The following ABLIM2 variants were observed in gnomAD, a reference collection of about 807,000 sequenced individuals.
ABLIM2 encodes actin binding LIM protein family member 2, also known as actin-binding LIM protein 2.
A neutral mutation model predicts 97.7 loss-of-function variants in ABLIM2; 53 were observed. The ratio of observed to expected loss-of-function variants is 0.54; its 90% confidence interval spans 0.44 to 0.68. ABLIM2 has a LOEUF of 0.68. Among genes scored for constraint, ABLIM2 ranks in the 30% least tolerant of loss-of-function variants. The pLI, the probability that ABLIM2 is intolerant of heterozygous loss-of-function variation, is 0.00. For missense variants in ABLIM2, 835 were observed against 867.2 expected, an observed-to-expected ratio of 0.96 and a Z score of 0.47; for synonymous variants, 361 against 345.8, an observed-to-expected ratio of 1.04 and a Z score of -0.49.
intron 1 of ABLIM2, among the ~76,000 whole-genome samples, chr4:8,158,365 T>C (rs1276189855): frequency 6.6e-6 from 1 of 151,988 alleles, no homozygotes; most frequent in Non-Finnish European, 1.5e-5. Context: ...CCTGACCGCT[T>C]TCTGCAGCCT....
intron 6 of ABLIM2, among the ~76,000 whole-genome samples, chr4:8,077,266 C>T (rs1816820489): frequency 6.6e-6 from 1 of 152,350 alleles, no homozygotes; most frequent in African/African-American, 2.4e-5. Context: ...CGGGCGACCC[C>T]GCTGTGCCTC....
rs1463464994 is a variant in ABLIM2 at position 8,083,162 on chromosome 4, C to T, written c.455-2360G>A. ...CGGCTCCAAGCCTCTGTTGGCTTCT[C>T]TGCATGTCAAGGGAGCACAGCACAT... On this transcript the variant is annotated intron_variant, in intron 4 of 20. Coordinates refer to ENST00000447017, the MANE Select transcript of ABLIM2 (RefSeq NM_001130083.2). The surrounding 1 kb of genome is among the most constrained non-coding windows in gnomAD (Gnocchi z 4.6). Among the ~76,000 whole-genome samples, 1 of 152,176 alleles carries T rather than the reference C, an allele frequency of 6.6e-6. No individual in the cohort carries two copies. The highest frequency in any genetic ancestry group is 2.4e-5 in the African/African-American group (1 of 41,444).
chr4:8,063,436 G>C (rs77029551), intron 6 of ABLIM2, among the ~76,000 whole-genome samples: 15 of 152,214 alleles, frequency 9.9e-5, no homozygotes, highest in Non-Finnish European at 1.9e-4. Flanking sequence ...CCACAGCTCG[G>C]GCCAAGAAGC....
intron 4 of ABLIM2, among the ~76,000 whole-genome samples, chr4:8,084,113 A>C (rs1821704638): frequency 6.6e-6 from 1 of 152,234 alleles, no homozygotes; most frequent in South Asian, 2.1e-4. Flanking sequence ...ACCGAGCTCC[A>C]AAACTTGAGA....
In ABLIM2 at chr4:8,023,777, A is replaced by G. The variant is rs1040347630; in HGVS notation, c.1268-3474T>C. Among the ~76,000 whole-genome samples, 3 of 152,186 alleles carry G rather than the reference A, an allele frequency of 2.0e-5. No homozygotes were observed. Among genetic ancestry groups the G allele is most frequent in the Non-Finnish European group, 4.4e-5 (3 of 68,036 alleles). ...CTCTCCATTTATTTGTTTACTCAAC[A>G]TTTATGTAGATCCTTGTGGACTGAC... On this transcript the variant is annotated intron_variant, in intron 12 of 20. Coordinates refer to ENST00000447017, the MANE Select transcript of ABLIM2 (RefSeq NM_001130083.2). The surrounding 1 kb of genome is among the most constrained non-coding windows in gnomAD (Gnocchi z 5.7).
rs921839956 is a variant in ABLIM2 at position 8,075,518 on chromosome 4, C to A, written c.675+2110G>T. 1.3e-5 allele frequency among the ~76,000 whole-genome samples: 2 copies of A among 151,984 alleles called. No homozygotes were observed. Among genetic ancestry groups the A allele is most frequent in the African/African-American group, 2.4e-5 (1 of 41,388 alleles). On this transcript the variant is annotated intron_variant, in intron 6 of 20. Transcript: ENST00000447017. The surrounding 1 kb of genome is among the most constrained non-coding windows in gnomAD (Gnocchi z 4.4). ...GACCAGCTTGGGTGACATAGTGAGA[C>A]CCTGTCTCTACAAAAACTACAAAAA...
rs974166049 is a variant in ABLIM2, at chr4:8,092,348, C to G, written c.339-4064G>C. Among the ~76,000 whole-genome samples, 12 of 152,174 alleles carry G rather than the reference C, an allele frequency of 7.9e-5. No homozygotes were observed. The East Asian group carries it at 2.3e-3, about 29-fold the overall frequency. On this transcript the variant is annotated intron_variant, in intron 3 of 20. Transcript: ENST00000447017. ...TGTGAAAGACAATAGAATCTCAGGA[C>G]CCCAAACTCACTATGCCAAAGGGAA...
chr4:8,009,132 C>A (rs1328348771), intron 14 of ABLIM2, 30 bp from the exon 15 acceptor site: 4 of 1,613,556 alleles, frequency 2.5e-6, no homozygotes, highest in Non-Finnish European at 3.4e-6. Context: ...TTGTAAAGGC[C>A]ACACACCATT....
intron 20 of ABLIM2, among the ~76,000 whole-genome samples, chr4:7,974,556 C>T (rs1031460182): frequency 2.8e-5 from 4 of 144,238 alleles, no homozygotes; most frequent in African/African-American, 5.2e-5. Flanking sequence ...TCCACCTAAC[C>T]GCCTACCCAT....
chr4:7,990,344 C>T lies in ABLIM2; in HGVS notation c.1680+2522G>A, dbSNP rs550634570. 3.9e-3 allele frequency among the ~76,000 whole-genome samples: 596 copies of T among 152,166 alleles called. 4 individuals are homozygous for T. The highest frequency in any genetic ancestry group is 0.014 in the African/African-American group (564 of 41,488). On this transcript the variant is annotated intron_variant, in intron 17 of 20. Coordinates refer to ENST00000447017, the MANE Select transcript of ABLIM2 (RefSeq NM_001130083.2). ...CCCGAGTGGCTGGGACTATAGGATG[C>T]CCGCCACCATACCTTGCTAATTTTT...
Position 8,046,234 on chromosome 4 carries a change from C to G in ABLIM2, c.823-993G>C, listed in dbSNP as rs992967558. Among the ~76,000 whole-genome samples the G allele has an allele frequency of 3.9e-5, 6 of 152,128 alleles. No individual in the cohort carries two copies. The highest frequency in any genetic ancestry group is 7.4e-5 in the Non-Finnish European group (5 of 68,018). On this transcript the variant is annotated intron_variant, in intron 8 of 20. Coordinates refer to ENST00000447017, the MANE Select transcript of ABLIM2 (RefSeq NM_001130083.2). This position sits in a 1 kb window ranked among gnomAD's most constrained non-coding sequence, Gnocchi z 4.4. ...TTTGTGACTGTCCTGCCTCTCCCCCCACCTCAGCCCCCTCCAGCCCTGCGG... is the reference window on the plus strand; with the variant it reads ...TTTGTGACTGTCCTGCCTCTCCCCCGACCTCAGCCCCCTCCAGCCCTGCGG...
chr4:7,996,149 G>A lies in ABLIM2; in HGVS notation c.1619-3222C>T, dbSNP rs1271628120. 6.6e-6 allele frequency among the ~76,000 whole-genome samples: 1 copy of A among 152,198 alleles called. No individual in the cohort carries two copies. Among genetic ancestry groups the A allele is most frequent in the South Asian group, 2.1e-4 (1 of 4,832 alleles). Reference sequence around the variant, plus strand: ...GGTGGTTCTCAAACTGGCATCCCCAGCTAGCAGCCCCAACCTTGCCAGGGA... The same window carrying A: ...GGTGGTTCTCAAACTGGCATCCCCAACTAGCAGCCCCAACCTTGCCAGGGA... On this transcript the variant is annotated intron_variant, in intron 16 of 20. Transcript: ENST00000447017. The surrounding 1 kb of genome is among the most constrained non-coding windows in gnomAD (Gnocchi z 4.5).
In ABLIM2 at chr4:8,066,421, GGAAGGA is replaced by G. The variant is rs1483669958; in HGVS notation, c.676-5373_676-5368del. 2.8e-5 allele frequency: 4 copies of G among 143,444 alleles called. 1 individual carries two copies. The highest frequency in any genetic ancestry group is 1.0e-4 in the African/African-American group (4 of 39,444). 8.9% of individuals were successfully genotyped at this position (143,444 alleles called of 1,614,324 possible). On this transcript the variant is annotated intron_variant, in intron 6 of 20. Transcript: ENST00000447017. ...AGGAAGGAAGGAAGGAAGGAAGGAAGGAAGGAAGGGAGGGGTGGTTCCACATAAAAA... is the reference window on the plus strand; with the variant it reads ...AGGAAGGAAGGAAGGAAGGAAGGAAGAGGGAGGGGTGGTTCCACATAAAAA...
At chr4:8,126,410 C>A (rs1049489561) in intron 1 of ABLIM2, among the ~76,000 whole-genome samples, 2 of 151,652 alleles carry the variant, frequency 1.3e-5, no homozygotes, top group Admixed American at 6.6e-5. Flanking sequence ...TCTGGGCTGC[C>A]TCCCCACTGT....
In ABLIM2 at chr4:8,069,459, G is replaced by C. The variant is rs1438573255; in HGVS notation, c.675+8169C>G. On this transcript the variant is annotated intron_variant, in intron 6 of 20. Transcript: ENST00000447017. This position sits in a 1 kb window ranked among gnomAD's most constrained non-coding sequence, Gnocchi z 4.2. ...CCCGGGGACCAGGGGACGCAAGGGA[G>C]GACACGACAGGCCAGCGTGGAAGGG... Among the ~76,000 whole-genome samples, 1 of 152,264 alleles carries C rather than the reference G, an allele frequency of 6.6e-6. No individual in the cohort carries two copies. Among genetic ancestry groups the C allele is most frequent in the African/African-American group, 2.4e-5 (1 of 41,468 alleles).
At chr4:7,969,730 G>GACACACACACACAC (rs56236019) in intron 20 of ABLIM2, among the ~76,000 whole-genome samples, 2,911 of 139,632 alleles carry the variant, frequency 0.021, 82 homozygotes, top group African/African-American at 0.032. Context: ...CTCTCTCTCT[G>GACACACACACACAC]ACACACACAC....
intron 4 of ABLIM2, among the ~76,000 whole-genome samples, chr4:8,086,465 G>A (rs1823729225): frequency 6.6e-6 from 1 of 150,970 alleles, no homozygotes; most frequent in Non-Finnish European, 1.5e-5. Context: ...CTCCTGCCTC[G>A]GCATCCTGAG....
At position 8,072,210 on chromosome 4, in the gene ABLIM2, G is replaced by C. The variant is rs950438806; in HGVS notation, c.675+5418C>G. Among the ~76,000 whole-genome samples, 1 of 152,230 alleles carries C rather than the reference G, an allele frequency of 6.6e-6. No individual in the cohort carries two copies. Among genetic ancestry groups the C allele is most frequent in the African/African-American group, 2.4e-5 (1 of 41,466 alleles). On this transcript the variant is annotated intron_variant, in intron 6 of 20. Transcript: ENST00000447017. This position sits in a 1 kb window ranked among gnomAD's most constrained non-coding sequence, Gnocchi z 5.8. ...TGCTCCTGTTCCTCGAATTAGGATGGTTCCTTCCCGATGAACCAGGGCGCA... is the reference window on the plus strand; with the variant it reads ...TGCTCCTGTTCCTCGAATTAGGATGCTTCCTTCCCGATGAACCAGGGCGCA...
intron 18 of ABLIM2, among the ~76,000 whole-genome samples, chr4:7,984,289 G>A (rs1741510378): frequency 6.6e-6 from 1 of 152,118 alleles, no homozygotes. Context: ...GTGCACTGAT[G>A]CTCTCCGTCC....
Sources: gnomAD v4.1 joint callset for allele counts (sites outside exome capture counted in the v4.1 genomes callset) on GRCh38, gnomAD v4.1.1 for gene constraint, Gnocchi (gnomAD v3.1) non-coding constraint, MANE v1.5 for transcripts, NCBI Gene and HGNC (gene_info 2026-07-23, HGNC 2026-07-21) for gene names.